Variants in SLIT3 observed in about 807,000 individuals in gnomAD.
The protein encoded by SLIT3 is slit homolog 3 protein.
SLIT3 carries 68 observed loss-of-function variants against 184.0 expected under a neutral mutation model. The observed-to-expected ratio is 0.37, with a 90% confidence interval of 0.30 to 0.45. The LOEUF is 0.45. SLIT3 is among the 20% of genes least tolerant of loss of function. The pLI, the probability that SLIT3 is intolerant of heterozygous loss-of-function variation, is 1.00. For missense variants in SLIT3, 1,707 were observed against 2,026.0 expected, an observed-to-expected ratio of 0.84 and a Z score of 3.02; for synonymous variants, 831 against 828.6, an observed-to-expected ratio of 1.00 and a Z score of -0.05.
chr5:169,278,913 T>C (rs913863307), intron 1 of SLIT3, among the ~76,000 whole-genome samples: 2 of 152,100 alleles, frequency 1.3e-5, no homozygotes, highest in African/African-American at 4.8e-5. Context: ...CTGGAGTTGG[T>C]TAAAGTTTCC....
chr5:168,894,682 T>C (rs1442996593), intron 4 of SLIT3, among the ~76,000 whole-genome samples: 1 of 152,180 alleles, frequency 6.6e-6, no homozygotes, highest in African/African-American at 2.4e-5. Flanking sequence ...AGTGGACAGA[T>C]AACTTGATTT....
At chr5:169,188,859 G>C (rs33984311) in intron 4 of SLIT3, among the ~76,000 whole-genome samples, 34,256 of 152,094 alleles carry the variant, frequency 0.23, 4,006 homozygotes, top group East Asian at 0.35. Flanking sequence ...CTTGCCAAAG[G>C]TTTCAGGATA....
intron 4 of SLIT3, among the ~76,000 whole-genome samples, chr5:168,913,277 C>T (rs1033406260): frequency 4.6e-5 from 7 of 152,020 alleles, no homozygotes; most frequent in Admixed American, 1.3e-4. Context: ...TCAATACATA[C>T]GGAGTTCAAC....
intron 32 of SLIT3, among the ~76,000 whole-genome samples, chr5:168,676,997 A>G (rs189740749): frequency 1.4e-4 from 21 of 152,322 alleles, no homozygotes; most frequent in African/African-American, 4.8e-4. Context: ...CACAGATCAG[A>G]GAGGGCTGTG....
At chr5:169,150,084 C>A (rs747238614) in intron 4 of SLIT3, among the ~76,000 whole-genome samples, 1 of 152,208 alleles carries the variant, frequency 6.6e-6, no homozygotes, top group African/African-American at 2.4e-5. Flanking sequence ...CACACCATTA[C>A]ATTTTGATGG....
chr5:169,049,297 C>T (rs781697164), intron 4 of SLIT3, among the ~76,000 whole-genome samples: 1 of 151,818 alleles, frequency 6.6e-6, no homozygotes, highest in Non-Finnish European at 1.5e-5. Flanking sequence ...TCACTATGTT[C>T]GACGTGGTGG....
At chr5:168,721,121 A>G (rs1225245166) in intron 23 of SLIT3, among the ~76,000 whole-genome samples, 1 of 152,222 alleles carries the variant, frequency 6.6e-6, no homozygotes, top group African/African-American at 2.4e-5. Flanking sequence ...CTATTATAGT[A>G]ATAATGATCT....
intron 4 of SLIT3, among the ~76,000 whole-genome samples, chr5:168,935,306 A>G (rs764120555): frequency 6.6e-6 from 1 of 151,938 alleles, no homozygotes; most frequent in Non-Finnish European, 1.5e-5. Context: ...TTCTCTCTCC[A>G]CTTCCTAAAG....
rs1401364775 is a variant in SLIT3 at position 168,818,878 on chromosome 5, A to AG, written c.630-1416dup. Among the ~76,000 whole-genome samples the AG allele has an allele frequency of 2.8e-4, 42 of 152,382 alleles. No individual in the cohort carries two copies. In the Middle Eastern group the frequency reaches 0.01, roughly 37 times the overall value. ...GGGCCACTGGGGCCTTGGCCGCCGC[A>AG]GGGGGCTCCAGATCCCATCATATCA... On this transcript the variant is annotated intron_variant, in intron 7 of 35. Transcript: ENST00000519560.
intron 4 of SLIT3, among the ~76,000 whole-genome samples, chr5:169,119,281 C>T (rs1239549540): frequency 6.6e-6 from 1 of 152,194 alleles, no homozygotes; most frequent in Non-Finnish European, 1.5e-5. Context: ...CAATTCCCAG[C>T]CTGGACACTT....
At chr5:168,815,781 C>A (rs578101537) in intron 8 of SLIT3, among the ~76,000 whole-genome samples, 1 of 152,244 alleles carries the variant, frequency 6.6e-6, no homozygotes, top group East Asian at 1.9e-4. Context: ...GCAGAAGAGG[C>A]CAGAGAGTTT....
At position 169,007,059 on chromosome 5, in the gene SLIT3, C is replaced by T. The variant is rs568427131; in HGVS notation, c.414-123723G>A. Among the ~76,000 whole-genome samples, 23 of 152,054 alleles carry T rather than the reference C, an allele frequency of 1.5e-4. No individual in the cohort carries two copies. The East Asian group carries it at 2.7e-3, about 18-fold the overall frequency. On this transcript the variant is annotated intron_variant, in intron 4 of 35. Transcript: ENST00000519560. Reference sequence around the variant, plus strand: ...GTGGGAGGTGACTGGATCATGGGGGCGGTTTACCCCATGCTGTTCTCGTGA... The same window carrying T: ...GTGGGAGGTGACTGGATCATGGGGGTGGTTTACCCCATGCTGTTCTCGTGA...
At chr5:169,076,224 C>T (rs187214120) in intron 4 of SLIT3, among the ~76,000 whole-genome samples, 13 of 152,286 alleles carry the variant, frequency 8.5e-5, no homozygotes, top group Admixed American at 5.2e-4. Context: ...CCCAGTAGTT[C>T]ATAAAGAGTG....
chr5:169,027,705 G>A (rs543968076), intron 4 of SLIT3, among the ~76,000 whole-genome samples: 13 of 152,302 alleles, frequency 8.5e-5, no homozygotes, highest in African/African-American at 2.9e-4. Flanking sequence ...GGCGAGGGAC[G>A]TCACTTGGCC....
At chr5:169,143,888 A>C (rs966055464) in intron 4 of SLIT3, among the ~76,000 whole-genome samples, 1 of 152,234 alleles carries the variant, frequency 6.6e-6, no homozygotes, top group Non-Finnish European at 1.5e-5. Flanking sequence ...GAGCACTCAC[A>C]ATGGGCAGAG....
chr5:169,209,251 G>A (rs1042770871), intron 3 of SLIT3, among the ~76,000 whole-genome samples: 1 of 152,170 alleles, frequency 6.6e-6, no homozygotes, highest in East Asian at 1.9e-4. Flanking sequence ...ACCACAATGA[G>A]ATACCATCTC....
intron 4 of SLIT3, among the ~76,000 whole-genome samples, chr5:168,943,081 A>C (rs1762374554): frequency 6.6e-6 from 1 of 152,218 alleles, no homozygotes; most frequent in Non-Finnish European, 1.5e-5. Context: ...TTAATATAAA[A>C]GATTGATTGG....
At chr5:168,821,486 T>C (rs1459643183) in intron 7 of SLIT3, among the ~76,000 whole-genome samples, 1 of 152,196 alleles carries the variant, frequency 6.6e-6, no homozygotes, top group Admixed American at 6.5e-5. Context: ...CCCCAGCTCA[T>C]CTGTGGTTTG....
At chr5:168,829,823 C>T (rs958111851) in intron 6 of SLIT3, among the ~76,000 whole-genome samples, 2 of 152,338 alleles carry the variant, frequency 1.3e-5, no homozygotes, top group African/African-American at 2.4e-5. Context: ...AGGCAGGGGA[C>T]GATGTGCACA....
Sources: gnomAD v4.1 joint callset for allele counts (sites outside exome capture counted in the v4.1 genomes callset) on GRCh38, gnomAD v4.1.1 for gene constraint, MANE v1.5 for transcripts, NCBI Gene and HGNC (gene_info 2026-07-23, HGNC 2026-07-21) for gene names.